PCLO: variants seen among roughly 807,000 people sequenced by gnomAD.
PCLO encodes the protein protein piccolo.
In PCLO, 82 loss-of-function variants were observed where a neutral mutation model predicts 427.5. The ratio of observed to expected loss-of-function variants is 0.19; its 90% CI spans 0.16 to 0.23. The LOEUF is 0.23. Among genes scored for constraint, PCLO ranks in the 10% least tolerant of loss-of-function variants. PCLO has a pLI of 1.00. For synonymous variants in PCLO, 2,357 were observed against 2,155.4 expected (o/e 1.09, Z -2.59); for missense variants, 6,239 against 6,115.9 (o/e 1.02, Z -0.67).
chr7:83,158,965 T>G lies in PCLO; in HGVS notation c.249-2573A>C, dbSNP rs184682023. On this transcript the variant is annotated intron_variant, in intron 1 of 24. Coordinates refer to ENST00000333891, the MANE Select transcript of PCLO (RefSeq NM_033026.6). ...GGTGAAATTTTGTTAGGCATAACAG[T>G]TTTACTGTTAAAAAGAAAAGTGATT... 2.5e-3 allele frequency among the ~76,000 whole-genome samples: 379 copies of G among 152,076 alleles called. 2 individuals are homozygous for G. The highest frequency in any genetic ancestry group is 8.4e-3 in the African/African-American group (350 of 41,524).
chr7:83,136,175 A>T (rs2116622478), intron 2 of PCLO, among the ~76,000 whole-genome samples: 1 of 152,208 alleles, frequency 6.6e-6, no homozygotes, highest in East Asian at 1.9e-4. Context: ...AGTAAAAATC[A>T]AAATATAGTT....
intron 3 of PCLO, among the ~76,000 whole-genome samples, chr7:83,063,511 T>A (rs530625362): frequency 6.6e-6 from 1 of 152,122 alleles, no homozygotes. Context: ...TATTCAACTT[T>A]TTTAAAATAA....
intron 3 of PCLO, among the ~76,000 whole-genome samples, chr7:83,098,962 C>T (rs1790664355): frequency 6.6e-6 from 1 of 151,836 alleles, no homozygotes; most frequent in African/African-American, 2.4e-5. Context: ...GGATTTACAA[C>T]AGCAAGAGGA....
chr7:83,141,994 A>G (rs1466667771), intron 2 of PCLO, among the ~76,000 whole-genome samples: 2 of 152,154 alleles, frequency 1.3e-5, no homozygotes, highest in Non-Finnish European at 2.9e-5. Flanking sequence ...CAGAATTATT[A>G]TTAATTTATT....
At chr7:83,072,451 G>A (rs1171812075) in intron 3 of PCLO, among the ~76,000 whole-genome samples, 1 of 151,752 alleles carries the variant, frequency 6.6e-6, no homozygotes, top group Non-Finnish European at 1.5e-5. Flanking sequence ...TTAGTCCTAT[G>A]GCCCCTTCTT....
intron 3 of PCLO, among the ~76,000 whole-genome samples, chr7:83,111,196 C>G (rs1476928874): frequency 6.6e-6 from 1 of 152,152 alleles, no homozygotes; most frequent in Non-Finnish European, 1.5e-5. Flanking sequence ...TTATTTTATT[C>G]AATTCAATCA....
chr7:82,883,138 T>G (rs1793549013), intron 9 of PCLO, among the ~76,000 whole-genome samples: 1 of 152,070 alleles, frequency 6.6e-6, no homozygotes, highest in Non-Finnish European at 1.5e-5. Flanking sequence ...TTTTTTATAA[T>G]AAAGTTATCC....
At chr7:83,146,759 C>G (rs1293831213) in intron 2 of PCLO, among the ~76,000 whole-genome samples, 1 of 152,028 alleles carries the variant, frequency 6.6e-6, no homozygotes, top group African/African-American at 2.4e-5. Flanking sequence ...CACCACCACG[C>G]CCAGCTAATT....
chr7:82,867,928 T>C (rs770126334), intron 10 of PCLO, among the ~76,000 whole-genome samples: 1 of 152,152 alleles, frequency 6.6e-6, no homozygotes, highest in Non-Finnish European at 1.5e-5. Context: ...TTGAAAATAA[T>C]ATATTAGAAC....
chr7:82,906,948 T>C (rs984311), intron 8 of PCLO, among the ~76,000 whole-genome samples: 146,926 of 151,994 alleles, frequency 0.97, 71,046 homozygotes, highest in East Asian at 1. Flanking sequence ...CTCAAAAATA[T>C]GTTCTCTGCT....
chr7:82,782,282 C>T (rs1375968053), intron 22 of PCLO, among the ~76,000 whole-genome samples: 3 of 152,242 alleles, frequency 2.0e-5, no homozygotes, highest in Non-Finnish European at 2.9e-5. Flanking sequence ...TCACAGAAAT[C>T]TCTGTTGCTT....
intron 4 of PCLO, among the ~76,000 whole-genome samples, chr7:82,961,668 C>T (rs1795659261): frequency 6.6e-6 from 1 of 152,156 alleles, no homozygotes; most frequent in African/African-American, 2.4e-5. Context: ...ATACTATTAT[C>T]TTACTTGTCA....
At position 82,783,834 on chromosome 7, in the gene PCLO, C is replaced by T. The variant is rs140170436; in HGVS notation, c.15007+17684G>A. Among the ~76,000 whole-genome samples, 122 of 151,796 alleles carry T rather than the reference C, an allele frequency of 8.0e-4. 1 individual carries two copies. Among genetic ancestry groups the T allele is most frequent in the East Asian group, 4.9e-3 (25 of 5,146 alleles). On this transcript the variant is annotated intron_variant, in intron 22 of 24. Coordinates refer to ENST00000333891, the MANE Select transcript of PCLO (RefSeq NM_033026.6). The stretch of plus-strand genomic sequence containing the variant: ...CAATAGGGTAATCCTTTCCCAATTG[C>T]TTCTCTCTCTCTTACCCCTGAAGTA...
At chr7:82,836,550 T>C (rs748913489) in intron 15 of PCLO, among the ~76,000 whole-genome samples, 1 of 152,154 alleles carries the variant, frequency 6.6e-6, no homozygotes, top group Non-Finnish European at 1.5e-5. Context: ...TTCAAAATGT[T>C]CAATAAAGTA....
In PCLO at chr7:82,952,207, T is replaced by C. The variant is rs750132236; in HGVS notation, c.8746A>G (p.Thr2916Ala). 8.1e-6 allele frequency: 13 copies of C among 1,613,626 alleles called. No homozygotes were observed. The East Asian group carries it at 8.9e-5, about 11-fold the overall frequency. The change falls in exon 5 of 25, where the codon ACT becomes GCT. Residue 2916 changes from threonine (T) to alanine (A), a missense_variant. Thr to Ala is a moderately conservative substitution (Grantham distance 58). Coordinates refer to ENST00000333891, the MANE Select transcript of PCLO (RefSeq NM_033026.6). ...HRTVVTMDES[T>A]SSVMTKIIED... ...ATTATTTTGGTCATCACACTTGAAGTAGACTCATCCATTGTTACGACTGTT... is the reference window on the plus strand; with the variant it reads ...ATTATTTTGGTCATCACACTTGAAGCAGACTCATCCATTGTTACGACTGTT...
At chr7:82,902,764 T>TA in intron 8 of PCLO, 23 bp from the exon 9 acceptor site, 1 of 1,283,642 alleles carries the variant, frequency 7.8e-7, no homozygotes, top group Non-Finnish European at 1.1e-6. Flanking sequence ...TGTAGTAAGG[T>TA]AAAAAACCAG....
At chr7:83,112,771 A>G (rs944897314) in intron 3 of PCLO, among the ~76,000 whole-genome samples, 2 of 152,220 alleles carry the variant, frequency 1.3e-5, no homozygotes, top group Admixed American at 1.3e-4. Flanking sequence ...TCATTAAATA[A>G]GTAAAAATTA....
intron 20 of PCLO, chr7:82,820,357 A>T: frequency 4.4e-6 from 1 of 228,936 alleles, no homozygotes; most frequent in Non-Finnish European, 7.5e-6. Context: ...TCCAATCATT[A>T]CAGCTGTCAC....
At position 82,914,462 on chromosome 7, in the gene PCLO, G is replaced by T. The variant is rs182241011; in HGVS notation, c.13300+224C>A. 1,019 of 611,466 alleles carry T rather than the reference G, an allele frequency of 1.7e-3. 15 individuals carry two copies. In the Admixed American group the frequency reaches 0.027, roughly 16 times the overall value. 37.9% of individuals were successfully genotyped at this position (611,466 alleles called of 1,614,324 possible). A position where few individuals can be genotyped will look rare whatever the true frequency, so the allele number is the denominator to read the frequency against. ...CCAAACAAATCAAGCAAACAATCAAGAAACAGAACAATAAAGGAATAAAGT... is the reference window on the plus strand; with the variant it reads ...CCAAACAAATCAAGCAAACAATCAATAAACAGAACAATAAAGGAATAAAGT... On this transcript the variant is annotated intron_variant, in intron 7 of 24. Transcript: ENST00000333891.
Sources: allele counts gnomAD v4.1 joint callset (sites outside exome capture counted in the v4.1 genomes callset), GRCh38; gene constraint gnomAD v4.1.1; transcripts MANE v1.5; gene names NCBI Gene and HGNC (gene_info 2026-07-23, HGNC 2026-07-21).